B3GAT2: variants seen among roughly 807,000 people sequenced by gnomAD.
B3GAT2 encodes galactosylgalactosylxylosylprotein 3-beta-glucuronosyltransferase 2.
In B3GAT2, 26 loss-of-function variants were observed where a neutral mutation model predicts 27.8. The ratio of observed to expected loss-of-function variants is 0.93; its 90% CI spans 0.68 to 1.30. The LOEUF (loss-of-function observed/expected upper bound fraction) is 1.30. Ranked by LOEUF, B3GAT2 falls within the 50% of genes most tolerant of loss-of-function variation. B3GAT2 has a pLI of 0.00. For missense variants in B3GAT2, 458 were observed against 459.0 expected, an observed-to-expected ratio of 1.00 and a Z score of 0.02; for synonymous variants, 218 against 195.1, an observed-to-expected ratio of 1.12 and a Z score of -0.98.
Position 70,956,649 on chromosome 6 carries a change from G to C in B3GAT2, c.-220C>G. ...AGCTAGAGCGACAAGGGGTGCAGGCGGGCGGGCAGGGGCTGCCCCCGACTC... is the reference window on the plus strand; with the variant it reads ...AGCTAGAGCGACAAGGGGTGCAGGCCGGCGGGCAGGGGCTGCCCCCGACTC... On this transcript the variant is annotated 5_prime_UTR_variant, in exon 1 of 4. Coordinates refer to ENST00000230053, the MANE Select transcript of B3GAT2 (RefSeq NM_080742.3). 7.1e-7 allele frequency: 1 copy of C among 1,410,052 alleles called. No homozygotes were observed. The highest frequency in any genetic ancestry group is 9.2e-7 in the Non-Finnish European group (1 of 1,087,400). 87.3% of individuals were successfully genotyped at this position (1,410,052 alleles called of 1,614,324 possible). A position where few individuals can be genotyped will look rare whatever the true frequency, so the allele number is the denominator to read the frequency against.
intron 1 of B3GAT2, among the ~76,000 whole-genome samples, chr6:70,920,732 A>G (rs1288482599): frequency 6.6e-6 from 1 of 152,190 alleles, no homozygotes; most frequent in African/African-American, 2.4e-5. Context: ...TAGTGTTCAG[A>G]GGTCTAGTCC....
intron 1 of B3GAT2, among the ~76,000 whole-genome samples, chr6:70,940,338 G>T (rs1044567891): frequency 1.3e-5 from 2 of 152,176 alleles, no homozygotes; most frequent in African/African-American, 4.8e-5. Context: ...AAGGGGCTCA[G>T]TGTCCCCAGG....
chr6:70,858,091 G>A lies in B3GAT2; in HGVS notation c.*3572C>T. Reference sequence around the variant, plus strand: ...GCATGCCCATGCCCAATGGGTTTATGGGAAATGCACAAACTGGTGTGATGC... The same window carrying A: ...GCATGCCCATGCCCAATGGGTTTATAGGAAATGCACAAACTGGTGTGATGC... On this transcript the variant is annotated 3_prime_UTR_variant, in exon 4 of 4. Transcript: ENST00000230053. 1.2e-6 allele frequency: 2 copies of A among 1,614,036 alleles called. No individual in the cohort carries two copies. The highest frequency in any genetic ancestry group is 1.7e-6 in the Non-Finnish European group (2 of 1,179,978).
intron 1 of B3GAT2, among the ~76,000 whole-genome samples, chr6:70,910,827 G>A (rs532746718): frequency 6.6e-6 from 1 of 152,112 alleles, no homozygotes; most frequent in South Asian, 2.1e-4. Flanking sequence ...CCATAACCTC[G>A]TCAACATCTG....
chr6:70,917,531 C>G (rs1772793936), intron 1 of B3GAT2, among the ~76,000 whole-genome samples: 3 of 152,052 alleles, frequency 2.0e-5, no homozygotes, highest in Admixed American at 6.6e-5. Context: ...CCTGTGGACA[C>G]TTAGTGCTGT....
intron 2 of B3GAT2, among the ~76,000 whole-genome samples, chr6:70,867,958 C>T (rs1020732932): frequency 6.6e-6 from 1 of 151,990 alleles, no homozygotes; most frequent in Non-Finnish European, 1.5e-5. Context: ...ATCATGACCA[C>T]TTGAGGATTA....
At chr6:70,907,987 T>C (rs1036521800) in intron 1 of B3GAT2, among the ~76,000 whole-genome samples, 11 of 152,244 alleles carry the variant, frequency 7.2e-5, no homozygotes, top group African/African-American at 1.9e-4. Flanking sequence ...TTTGGCACAC[T>C]TTCCATTCTG....
chr6:70,933,897 T>C (rs1271966255), intron 1 of B3GAT2, among the ~76,000 whole-genome samples: 1 of 152,206 alleles, frequency 6.6e-6, no homozygotes, highest in Non-Finnish European at 1.5e-5. Flanking sequence ...TTTACGTACC[T>C]ATTACCTCGT....
intron 2 of B3GAT2, among the ~76,000 whole-genome samples, chr6:70,876,696 T>C (rs1379062031): frequency 1.3e-5 from 2 of 152,200 alleles, no homozygotes; most frequent in Non-Finnish European, 2.9e-5. Flanking sequence ...ATCTTCCTTT[T>C]GATATTATTC....
intron 2 of B3GAT2, among the ~76,000 whole-genome samples, chr6:70,864,161 T>C (rs1334740652): frequency 6.6e-6 from 1 of 151,622 alleles, no homozygotes; most frequent in Non-Finnish European, 1.5e-5. Context: ...AGGATACTGG[T>C]TGTATTTCCC....
At chr6:70,867,886 C>A (rs1771876441) in intron 2 of B3GAT2, among the ~76,000 whole-genome samples, 1 of 152,128 alleles carries the variant, frequency 6.6e-6, no homozygotes. Context: ...TAATAATCCT[C>A]ATGATCACAG....
At chr6:70,945,811 G>A (rs1178950641) in intron 1 of B3GAT2, among the ~76,000 whole-genome samples, 1 of 151,272 alleles carries the variant, frequency 6.6e-6, no homozygotes, top group African/African-American at 2.4e-5. Flanking sequence ...AATGGTAAGG[G>A]CAGCCAGAGA....
intron 2 of B3GAT2, among the ~76,000 whole-genome samples, chr6:70,862,595 CCAT>C (rs1193460279): frequency 1.3e-5 from 2 of 152,064 alleles, no homozygotes; most frequent in Non-Finnish European, 2.9e-5. Context: ...AGATATCAGG[CCAT>C]CATCTGATAA....
chr6:70,883,684 C>T (rs1227588677), intron 2 of B3GAT2, among the ~76,000 whole-genome samples: 1 of 152,162 alleles, frequency 6.6e-6, no homozygotes, highest in East Asian at 1.9e-4. Flanking sequence ...TTGAATACCA[C>T]TGAACTGTCC....
intron 1 of B3GAT2, among the ~76,000 whole-genome samples, chr6:70,915,438 T>A (rs1772755870): frequency 6.6e-6 from 1 of 152,372 alleles, no homozygotes; most frequent in African/African-American, 2.4e-5. Context: ...TTTTGGCTTT[T>A]GTTGCCACTG....
intron 1 of B3GAT2, among the ~76,000 whole-genome samples, chr6:70,952,012 G>T (rs985623091): frequency 6.6e-6 from 1 of 152,038 alleles, no homozygotes; most frequent in Non-Finnish European, 1.5e-5. Context: ...AGGGGGGAAA[G>T]GGCCAAACAT....
At chr6:70,915,307 C>G (rs1351966089) in intron 1 of B3GAT2, among the ~76,000 whole-genome samples, 1 of 151,826 alleles carries the variant, frequency 6.6e-6, no homozygotes, top group Non-Finnish European at 1.5e-5. Flanking sequence ...GAATATTAGC[C>G]CTTTGTCAGA....
intron 1 of B3GAT2, among the ~76,000 whole-genome samples, chr6:70,946,589 G>C (rs939720359): frequency 7.2e-5 from 11 of 152,006 alleles, no homozygotes; most frequent in African/African-American, 2.4e-4. Context: ...AGCAAGTCCT[G>C]AGTGACCTAC....
At chr6:70,899,457 ATGCT>A (rs1772455211) in intron 1 of B3GAT2, among the ~76,000 whole-genome samples, 1 of 152,244 alleles carries the variant, frequency 6.6e-6, no homozygotes, top group Non-Finnish European at 1.5e-5. Context: ...ACATTTGTTC[ATGCT>A]TTATTTTTCT....
Sources: gnomAD v4.1 joint callset for allele counts (sites outside exome capture counted in the v4.1 genomes callset) on GRCh38, gnomAD v4.1.1 for gene constraint, MANE v1.5 for transcripts, NCBI Gene and HGNC (gene_info 2026-07-23, HGNC 2026-07-21) for gene names.